The following PCDH19 variants were observed in gnomAD, a reference collection of about 807,000 sequenced individuals.
The protein encoded by PCDH19 is protocadherin 19.
Under a neutral mutation model 46.2 loss-of-function variants are expected in PCDH19, and 6 were observed. The observed-to-expected ratio is 0.13, with a 90% CI of 0.07 to 0.26. PCDH19 has a LOEUF of 0.26. Among genes scored for constraint, PCDH19 ranks in the 10% least tolerant of loss-of-function variants. The pLI, the probability that PCDH19 is intolerant of heterozygous loss-of-function variation, is 1.00. For missense variants in PCDH19, 740 were observed against 972.3 expected (o/e 0.76, Z 3.18); for synonymous variants, 481 against 415.7 (o/e 1.16, Z -1.91).
intron 3 of PCDH19, among the ~76,000 whole-genome samples, chrX:100,360,993 G>A (rs1315386456): frequency 8.9e-6 from 1 of 111,798 alleles, no homozygotes; most frequent in Non-Finnish European, 1.9e-5. Context: ...ATGAGGGTGG[G>A]TTAGAATTTG....
rs1331287268 is a variant in PCDH19, at chrX:100,342,154, G to A, written c.2676-79C>T. On this transcript the variant is annotated intron_variant, in intron 4 of 5. Coordinates refer to ENST00000373034, the MANE Select transcript of PCDH19 (RefSeq NM_001184880.2). ...ATCTTTCTGAGCCAGGATGATGTCG[G>A]CTCTGTAATGAGGCAAACAGTGGCT... The A allele has an allele frequency of 3.3e-6, 3 of 915,752 alleles. No individual in the cohort carries two copies. In the African/African-American group the frequency reaches 5.8e-5, roughly 18 times the overall value. The allele number at this position is 915,752 out of a possible 1,213,427, so 75.5% of individuals were successfully genotyped here. A position where few individuals can be genotyped will look rare whatever the true frequency, so the allele number is the denominator to read the frequency against.
In PCDH19 at chrX:100,295,507, AAAAAACG is replaced by A. The variant is rs1375371190; in HGVS notation, c.*763_*769del. 1 of 112,370 alleles carries A rather than the reference AAAAAACG, an allele frequency of 8.9e-6. No individual in the cohort carries two copies. The highest frequency in any genetic ancestry group is 1.9e-5 in the Non-Finnish European group (1 of 53,333). 9.3% of individuals were successfully genotyped at this position (112,370 alleles called of 1,213,427 possible). ...GTGGTGAGCAATCACTACATGAGTT[AAAAAACG>A]TGAGTATTCTCCAAGTACTCAATCT... On this transcript the variant is annotated 3_prime_UTR_variant, in exon 6 of 6. Coordinates refer to ENST00000373034, the MANE Select transcript of PCDH19 (RefSeq NM_001184880.2).
chrX:100,292,246 A>G lies in PCDH19; in HGVS notation c.*4031T>C, dbSNP rs993566792. 7.1e-5 allele frequency: 8 copies of G among 113,010 alleles called. No individual in the cohort carries two copies. Among genetic ancestry groups the G allele is most frequent in the African/African-American group, 1.9e-4 (6 of 31,005 alleles). The allele number at this position is 113,010 out of a possible 1,213,427, so 9.3% of individuals were successfully genotyped here. A position where few individuals can be genotyped will look rare whatever the true frequency, so the allele number is the denominator to read the frequency against. On this transcript the variant is annotated 3_prime_UTR_variant, in exon 6 of 6. Coordinates refer to ENST00000373034, the MANE Select transcript of PCDH19 (RefSeq NM_001184880.2). ...ATGGTGTTAGCTGGTTTGTTTGCTA[A>G]GGTTGACAGCAACTTTCAGTTAGTA...
intron 3 of PCDH19, among the ~76,000 whole-genome samples, chrX:100,369,049 G>C (rs1031456730): frequency 9.0e-6 from 1 of 111,537 alleles, no homozygotes; most frequent in African/African-American, 3.3e-5. Context: ...TTTATTTTCA[G>C]AAGTTAATAT....
chrX:100,361,800 C>T (rs1465201480), intron 3 of PCDH19, among the ~76,000 whole-genome samples: 1 of 110,943 alleles, frequency 9.0e-6, no homozygotes, highest in Non-Finnish European at 1.9e-5. Context: ...CTAGGCCACA[C>T]CTCATTAGGA....
intron 3 of PCDH19, among the ~76,000 whole-genome samples, chrX:100,386,027 T>C (rs1927706324): frequency 8.9e-6 from 1 of 112,562 alleles, no homozygotes; most frequent in Admixed American, 9.4e-5. Flanking sequence ...ATTGGGCATT[T>C]ATTTAGTCAT....
At chrX:100,401,576 C>T (rs1309750226) in intron 3 of PCDH19, among the ~76,000 whole-genome samples, 1 of 108,754 alleles carries the variant, frequency 9.2e-6, no homozygotes, top group East Asian at 2.9e-4. Context: ...TGCTTGAAGC[C>T]GGGAGGTGGA....
chrX:100,322,864 TA>T lies in PCDH19; in HGVS notation c.2848+19038del, dbSNP rs1291065969. On this transcript the variant is annotated intron_variant, in intron 5 of 5. Coordinates refer to ENST00000373034, the MANE Select transcript of PCDH19 (RefSeq NM_001184880.2). ...ATATATATATATATATATATATATA[TA>T]TTTTTGCAGCTATTGTAAAAGGGGT... 3.3e-4 allele frequency among the ~76,000 whole-genome samples: 23 copies of T among 70,286 alleles called. 3 individuals carry two copies. Among genetic ancestry groups the T allele is most frequent in the African/African-American group, 9.3e-4 (17 of 18,215 alleles). The allele number at this position is 70,286 out of a possible 115,157, so 61.0% of individuals were successfully genotyped here.
intron 3 of PCDH19, among the ~76,000 whole-genome samples, chrX:100,377,459 C>T (rs188959059): frequency 1.3e-3 from 143 of 111,945 alleles, no homozygotes; most frequent in African/African-American, 4.5e-3. Context: ...CTGGATCCAC[C>T]CCAGTAGATT....
intron 5 of PCDH19, among the ~76,000 whole-genome samples, chrX:100,312,741 C>G (rs1362021527): frequency 9.0e-6 from 1 of 111,172 alleles, no homozygotes; most frequent in Non-Finnish European, 1.9e-5. Context: ...CTCCAGCTTG[C>G]CCAACTCTTC....
chrX:100,372,539 T>C (rs1192283341), intron 3 of PCDH19, among the ~76,000 whole-genome samples: 2 of 112,831 alleles, frequency 1.8e-5, no homozygotes, highest in African/African-American at 6.4e-5. Flanking sequence ...TAACACCCTC[T>C]GCTAAAAGCA....
chrX:100,405,455 G>T (rs1192855798), intron 1 of PCDH19, among the ~76,000 whole-genome samples: 2 of 111,776 alleles, frequency 1.8e-5, no homozygotes, highest in Non-Finnish European at 3.8e-5. Flanking sequence ...ATGTAAGAAA[G>T]GGCTTCAGTA....
At chrX:100,373,743 G>A (rs1416141396) in intron 3 of PCDH19, among the ~76,000 whole-genome samples, 1 of 111,415 alleles carries the variant, frequency 9.0e-6, no homozygotes, top group Non-Finnish European at 1.9e-5. Flanking sequence ...CCTTGTGAGG[G>A]AAAAATAAGA....
At chrX:100,363,304 C>CA (rs60114664) in intron 3 of PCDH19, among the ~76,000 whole-genome samples, 771 of 60,913 alleles carry the variant, frequency 0.013, 5 homozygotes, top group African/African-American at 0.017. Flanking sequence ...AACTCCATCT[C>CA]AAAAAAAAAA....
intron 3 of PCDH19, among the ~76,000 whole-genome samples, chrX:100,399,472 G>C (rs1054030897): frequency 2.7e-5 from 3 of 111,786 alleles, no homozygotes; most frequent in Non-Finnish European, 5.6e-5. Flanking sequence ...CCAGAGCCTA[G>C]AGCAGTGCCT....
chrX:100,309,347 A>G (rs903338344), intron 5 of PCDH19, among the ~76,000 whole-genome samples: 2 of 111,529 alleles, frequency 1.8e-5, no homozygotes, highest in African/African-American at 6.5e-5. Context: ...ATGCAAAGGC[A>G]TAAGAATAAT....
At chrX:100,373,591 C>A (rs774465080) in intron 3 of PCDH19, among the ~76,000 whole-genome samples, 1 of 112,141 alleles carries the variant, frequency 8.9e-6, no homozygotes, top group African/African-American at 3.2e-5. Flanking sequence ...GCCTATTTTC[C>A]TTTCTTCGAA....
chrX:100,392,844 T>C (rs1284524791), intron 3 of PCDH19, among the ~76,000 whole-genome samples: 2 of 111,564 alleles, frequency 1.8e-5, no homozygotes, highest in Non-Finnish European at 3.8e-5. Context: ...TTTTTAGTTA[T>C]AAAAAAGCCT....
At chrX:100,314,088 G>C (rs1925223653) in intron 5 of PCDH19, among the ~76,000 whole-genome samples, 2 of 111,605 alleles carry the variant, frequency 1.8e-5, no homozygotes, top group African/African-American at 6.5e-5. Flanking sequence ...ATTCCAATAT[G>C]GGAGGTCAGC....
Sources: gnomAD v4.1 joint callset for allele counts (sites outside exome capture counted in the v4.1 genomes callset) on GRCh38, gnomAD v4.1.1 for gene constraint, MANE v1.5 for transcripts, NCBI Gene and HGNC (gene_info 2026-07-23, HGNC 2026-07-21) for gene names.